The following RBX1 variants were observed in gnomAD, a reference collection of about 807,000 sequenced individuals.
The protein encoded by RBX1 is ring-box 1, also known as E3 ubiquitin-protein ligase RBX1.
For missense variants in RBX1, 46 were observed against 141.4 expected (o/e 0.33, Z 3.42); for synonymous variants, 48 against 47.9 (o/e 1.00, Z -0.01).
intron 1 of RBX1, among the ~76,000 whole-genome samples, chr22:40,953,334 A>C (rs2058316474): frequency 6.6e-6 from 1 of 152,166 alleles, no homozygotes; most frequent in Non-Finnish European, 1.5e-5. Flanking sequence ...AAAAGATGAC[A>C]TTAATTTCTG....
At chr22:40,952,726 T>G (rs2058314798) in intron 1 of RBX1, among the ~76,000 whole-genome samples, 1 of 149,006 alleles carries the variant, frequency 6.7e-6, no homozygotes, top group South Asian at 2.1e-4. Context: ...AAAATTCTAG[T>G]GAATTGTAGA....
chr22:40,963,933 A>G (rs755475872), intron 2 of RBX1, 114 bp from the exon 3 acceptor site: 5 of 750,702 alleles, frequency 6.7e-6, no homozygotes, highest in South Asian at 1.5e-5. Context: ...CCTTTCCCAC[A>G]TTCATTAAAA....
chr22:40,968,085 C>CTTT (rs938566744), intron 4 of RBX1, among the ~76,000 whole-genome samples: 163 of 111,142 alleles, frequency 1.5e-3, no homozygotes, highest in Middle Eastern at 7.8e-3. Context: ...GTTTCCCAAC[C>CTTT]TTTTTTTTTT....
In RBX1 at chr22:40,972,553, C is replaced by G; in HGVS notation, c.*65C>G. The G allele has an allele frequency of 7.6e-7, 1 of 1,319,644 alleles. No individual in the cohort carries two copies. Among genetic ancestry groups the G allele is most frequent in the Non-Finnish European group, 1.1e-6 (1 of 918,244 alleles). 81.7% of individuals were successfully genotyped at this position (1,319,644 alleles called of 1,614,324 possible). A position where few individuals can be genotyped will look rare whatever the true frequency, so the allele number is the denominator to read the frequency against. The stretch of plus-strand genomic sequence containing the variant: ...CATTTAATGACTTTCCCTGCTGTTA[C>G]CTAATTACAAATTGGATGGAACTGT... On this transcript the variant is annotated 3_prime_UTR_variant, in exon 5 of 5. Transcript: ENST00000216225.
intron 3 of RBX1, chr22:40,967,542 C>T (rs1486037074): frequency 3.2e-6 from 1 of 313,044 alleles, no homozygotes; most frequent in African/African-American, 2.1e-5. Flanking sequence ...TAGAAGAGAG[C>T]TCAGTGCTGG....
In RBX1 at chr22:40,964,076, G is replaced by A. The variant is rs777839803; in HGVS notation, c.187G>A (p.Ala63Thr). 1.2e-6 allele frequency: 2 copies of A among 1,614,024 alleles called. No individual in the cohort carries two copies. The highest frequency in any genetic ancestry group is 1.1e-5 in the South Asian group (1 of 91,074). ...AGAATGTCAAGCTAACCAGGCGTCC[G>A]CTACTTCAGAAGAGTGTACTGTCGC... ...CIECQANQAS[A>T]TSEECTVAWG... The change falls in exon 3 of 5, where the codon GCT becomes ACT. Residue 63 changes from alanine to threonine, a missense_variant. Transcript: ENST00000216225.
intron 3 of RBX1, chr22:40,967,468 A>G (rs563960471): frequency 5.7e-6 from 1 of 176,846 alleles, no homozygotes; most frequent in African/African-American, 2.4e-5. Context: ...TTTCCCAAAG[A>G]AAGTGGAAGT....
chr22:40,951,979 C>T (rs1005588221), intron 1 of RBX1, among the ~76,000 whole-genome samples: 29 of 152,176 alleles, frequency 1.9e-4, no homozygotes, highest in African/African-American at 6.5e-4. Context: ...TTGGAGGGGT[C>T]CTCTCACTTG....
chr22:40,951,612 C>A, intron 1 of RBX1, 136 bp downstream of exon 1: 1 of 796,160 alleles, frequency 1.3e-6, no homozygotes, highest in Non-Finnish European at 2.0e-6. Context: ...CGAAAGGAAG[C>A]CGGGGGGCGG....
At chr22:40,957,425 C>T (rs1296757201) in intron 2 of RBX1, among the ~76,000 whole-genome samples, 6 of 151,654 alleles carry the variant, frequency 4.0e-5, no homozygotes, top group East Asian at 2.0e-4. Context: ...GCGGGCAGAT[C>T]GCTTGAGCCT....
chr22:40,970,021 A>G (rs2058364533), intron 4 of RBX1, among the ~76,000 whole-genome samples: 1 of 149,432 alleles, frequency 6.7e-6, no homozygotes, highest in Non-Finnish European at 1.5e-5. Flanking sequence ...AGATCATGCC[A>G]CTGCACTCCA....
chr22:40,956,516 AT>A (rs2058325825), intron 2 of RBX1, among the ~76,000 whole-genome samples: 1 of 149,632 alleles, frequency 6.7e-6, no homozygotes. Flanking sequence ...CACCCGGCTC[AT>A]TTTTTGTATT....
chr22:40,972,105 G>A (rs774737198), intron 4 of RBX1, among the ~76,000 whole-genome samples: 19 of 152,196 alleles, frequency 1.2e-4, no homozygotes, highest in East Asian at 3.8e-4. Flanking sequence ...AGGGCAGCCC[G>A]AAAGTTCAAA....
At chr22:40,958,045 C>G (rs749723572) in intron 2 of RBX1, among the ~76,000 whole-genome samples, 3 of 152,022 alleles carry the variant, frequency 2.0e-5, no homozygotes, top group African/African-American at 7.2e-5. Context: ...AGGCTGGTCT[C>G]GAGCTCCTGA....
Position 40,973,179 on chromosome 22 carries a change from T to C in RBX1, c.*691T>C. On this transcript the variant is annotated 3_prime_UTR_variant, in exon 5 of 5. Coordinates refer to ENST00000216225, the MANE Select transcript of RBX1 (RefSeq NM_014248.4). ...GATTGGTTTCATGGAAGACGATTTT[T>C]CCATGGACCGGGGGTGGGGCGGGGG... The C allele has an allele frequency of 6.6e-6, 1 of 152,246 alleles. No homozygotes were observed. Among genetic ancestry groups the C allele is most frequent in the East Asian group, 1.9e-4 (1 of 5,196 alleles). The allele number at this position is 152,246 out of a possible 1,614,324, so 9.4% of individuals were successfully genotyped here. A position where few individuals can be genotyped will look rare whatever the true frequency, so the allele number is the denominator to read the frequency against.
At chr22:40,964,750 C>T (rs1043191712) in intron 3 of RBX1, among the ~76,000 whole-genome samples, 5 of 152,168 alleles carry the variant, frequency 3.3e-5, no homozygotes, top group African/African-American at 1.2e-4. Context: ...TCAGGGCCTC[C>T]TGTGTCATGG....
At chr22:40,964,693 ATTC>A (rs2058349396) in intron 3 of RBX1, among the ~76,000 whole-genome samples, 1 of 152,216 alleles carries the variant, frequency 6.6e-6, no homozygotes, top group African/African-American at 2.4e-5. Context: ...TTAAAAATTC[ATTC>A]TTTAAGCTGT....
Position 40,972,570 on chromosome 22 carries a change from T to C in RBX1, c.*82T>C. The C allele has an allele frequency of 8.7e-7, 1 of 1,143,118 alleles. No homozygotes were observed. Among genetic ancestry groups the C allele is most frequent in the Non-Finnish European group, 1.3e-6 (1 of 762,366 alleles). 70.8% of individuals were successfully genotyped at this position (1,143,118 alleles called of 1,614,324 possible). A position where few individuals can be genotyped will look rare whatever the true frequency, so the allele number is the denominator to read the frequency against. Reference sequence around the variant, plus strand: ...TGCTGTTACCTAATTACAAATTGGATGGAACTGTGTTTTTTTCTGCTTTGT... The same window carrying C: ...TGCTGTTACCTAATTACAAATTGGACGGAACTGTGTTTTTTTCTGCTTTGT... On this transcript the variant is annotated 3_prime_UTR_variant, in exon 5 of 5. Transcript: ENST00000216225.
intron 2 of RBX1, among the ~76,000 whole-genome samples, chr22:40,954,525 GA>G (rs1256721908): frequency 1.3e-5 from 2 of 152,162 alleles, no homozygotes; most frequent in South Asian, 2.1e-4. Flanking sequence ...CCTTACAGTA[GA>G]AGGGACAAGA....
Sources: gnomAD v4.1 joint callset for allele counts (sites outside exome capture counted in the v4.1 genomes callset) on GRCh38, gnomAD v4.1.1 for gene constraint, MANE v1.5 for transcripts, NCBI Gene and HGNC (gene_info 2026-07-23, HGNC 2026-07-21) for gene names.